DGKZ: variants seen among roughly 807,000 people sequenced by gnomAD.
The protein encoded by DGKZ is DAG kinase zeta.
A neutral mutation model predicts 142.5 loss-of-function variants in DGKZ; 45 were observed. That is an observed-to-expected ratio of 0.32 (90% CI 0.25 to 0.40). DGKZ has a LOEUF of 0.40. Among genes scored for constraint, DGKZ ranks in the 10% least tolerant of loss-of-function variants. The probability of loss-of-function intolerance (pLI) is 1.00; values close to 1 mark genes in which losing one functional copy is unlikely to be tolerated. For missense variants in DGKZ, 755 were observed against 1,306.5 expected, an observed-to-expected ratio of 0.58 and a Z score of 6.51; for synonymous variants, 442 against 527.0, an observed-to-expected ratio of 0.84 and a Z score of 2.21.
At chr11:46,351,317 C>A (rs978310997) in intron 1 of DGKZ, among the ~76,000 whole-genome samples, 1 of 152,224 alleles carries the variant, frequency 6.6e-6, no homozygotes, top group Non-Finnish European at 1.5e-5. Flanking sequence ...GCCTGAGCGT[C>A]TGTGCCGCCA....
rs573103073 is a variant in DGKZ at position 46,377,056 on chromosome 11, C to A, written c.2203-17C>A. The A allele has an allele frequency of 1.2e-6, 2 of 1,611,790 alleles. No individual in the cohort carries two copies. The highest frequency in any genetic ancestry group is 1.7e-6 in the Non-Finnish European group (2 of 1,179,452). ...CCGTCAGGTGCCCTGACCTCCCGCC[C>A]TGACCTCCCCCCACAGGAGCACCTC... On this transcript the variant is annotated splice_polypyrimidine_tract_variant and intron_variant, in intron 24 of 30. Transcript: ENST00000527911.
chr11:46,337,563 T>C (rs1940075542), intron 1 of DGKZ, among the ~76,000 whole-genome samples: 1 of 152,046 alleles, frequency 6.6e-6, no homozygotes, highest in African/African-American at 2.4e-5. Context: ...CCCAAAGTTC[T>C]GGGATTACAG....
At chr11:46,345,198 C>A, upstream of DGKZ, 2 of 1,233,700 alleles carry the variant, frequency 1.6e-6, no homozygotes, top group Non-Finnish European at 2.1e-6. This position sits in a 1 kb window ranked among gnomAD's most constrained non-coding sequence, Gnocchi z 4.1. Flanking sequence ...AGCCCCATGG[C>A]TGCCTCCTGG....
At chr11:46,338,548 A>G in intron 1 of DGKZ, 1 of 151,328 alleles carries the variant, frequency 6.6e-6, no homozygotes, top group Admixed American at 6.6e-5. Flanking sequence ...TGGGCCCTAC[A>G]AAAACAAGCA....
chr11:46,379,470 G>A (rs1364242383), exon 30 of DGKZ: 5 of 1,609,144 alleles, frequency 3.1e-6, no homozygotes, highest in East Asian at 4.5e-5. Context: ...CTCCCCCAGC[G>A]GGGAGACCTG....
In DGKZ at chr11:46,372,827, T is replaced by G. The variant is rs1049214503; in HGVS notation, c.1128T>G (p.Val376=). The G allele has an allele frequency of 1.2e-6, 2 of 1,602,124 alleles. No homozygotes were observed. The highest frequency in any genetic ancestry group is 1.7e-6 in the Non-Finnish European group (2 of 1,174,498). ...TACGCCTGAAGCCGCCACCCCCTGT[T>G]GCCATCCTGCCCCTGGGTACTGGCA... Residue 376 remains valine (V), a synonymous_variant, in exon 13 of 31, where the codon GTT becomes GTG. Transcript: ENST00000527911. The surrounding 1 kb of genome is among the most constrained non-coding windows in gnomAD (Gnocchi z 5.9).
intron 14 of DGKZ, 112 bp from the exon 15 acceptor site, chr11:46,374,045 C>T: frequency 2.5e-6 from 3 of 1,191,800 alleles, no homozygotes; most frequent in Non-Finnish European, 2.4e-6. Flanking sequence ...ACGCTGCTGA[C>T]CAGGAAAAGC....
chr11:46,378,156 C>A (rs1213961895), intron 25 of DGKZ, 42 bp from the exon 26 acceptor site: 5 of 1,594,702 alleles, frequency 3.1e-6, no homozygotes, highest in Non-Finnish European at 4.3e-6. Context: ...GACCAGCTGG[C>A]CTGTGCCGTA....
chr11:46,374,855 C>T lies in DGKZ; in HGVS notation c.1598+16C>T. On this transcript the variant is annotated intron_variant, in intron 18 of 30. Transcript: ENST00000527911. ...ACATCCCCAGGTGAGGAGGGGGCTA[C>T]CGGAGCTGGGGGGAGCCCTGCTGTC... The T allele has an allele frequency of 1.3e-6, 2 of 1,585,740 alleles. No homozygotes were observed. Among genetic ancestry groups the T allele is most frequent in the Non-Finnish European group, 1.7e-6 (2 of 1,162,416 alleles).
At chr11:46,342,759 C>A (rs1378390792), upstream of DGKZ, among the ~76,000 whole-genome samples, 1 of 152,198 alleles carries the variant, frequency 6.6e-6, no homozygotes, top group Non-Finnish European at 1.5e-5. Flanking sequence ...TCACTTCTAC[C>A]ACTTACCAGC....
intron 14 of DGKZ, 48 bp from the exon 15 acceptor site, chr11:46,374,086 CACACGAGGCCCCTGGAGCGGGGA>C (rs1944278797): frequency 2.6e-6 from 4 of 1,557,396 alleles, no homozygotes; most frequent in Non-Finnish European, 3.5e-6. Flanking sequence ...CTGGCTCGGC[CACACGAGGCCCCTGGAGCGGGGA>C]CATTTGTGAG....
Position 46,379,466 on chromosome 11 carries a change from C to T in DGKZ, c.2586C>T (p.Pro862=). ...GGTACACAGCCAGCCCCTGCTCCCCCAGCGGGGAGACCTGTTTGCACCAAG... is the reference window on the plus strand; with the variant it reads ...GGTACACAGCCAGCCCCTGCTCCCCTAGCGGGGAGACCTGTTTGCACCAAG... Residue 862 remains proline, a synonymous_variant, in exon 30 of 31, where the codon CCC becomes CCT. Coordinates refer to ENST00000527911, the Ensembl canonical transcript of DGKZ. 1 of 1,608,210 alleles carries T rather than the reference C, an allele frequency of 6.2e-7. No homozygotes were observed. Among genetic ancestry groups the T allele is most frequent in the African/African-American group, 1.3e-5 (1 of 74,962 alleles).
Position 46,372,768 on chromosome 11 carries a change from C to A in DGKZ, c.1072-3C>A, listed in dbSNP as rs774070488. On this transcript the variant is annotated splice_polypyrimidine_tract_variant and splice_region_variant and intron_variant, in intron 12 of 30. Transcript: ENST00000527911. This position sits in a 1 kb window ranked among gnomAD's most constrained non-coding sequence, Gnocchi z 5.9. ...TGATTTGCCTCTGTTCTTCCTCCCC[C>A]AGGTGGGCTGGATCCTCTCCACCCT... 6.2e-6 allele frequency: 10 copies of A among 1,607,250 alleles called. No homozygotes were observed. The East Asian group carries it at 6.7e-5, about 11-fold the overall frequency.
intron 27 of DGKZ, 56 bp from the exon 28 acceptor site, chr11:46,378,935 C>T: frequency 6.7e-7 from 1 of 1,501,228 alleles, no homozygotes; most frequent in South Asian, 1.3e-5. Context: ...CGTGTGAGCT[C>T]AGGGAAGGAG....
rs1404084871 is a variant in DGKZ, at chr11:46,377,989, A to G, written c.2343-209A>G. ...CTCCTTATTTATTTGACTTGTTTGT[A>G]TCCCTGAACTAGAATGTAAGCTCCA... On this transcript the variant is annotated intron_variant, in intron 25 of 30. Transcript: ENST00000527911. The G allele has an allele frequency of 8.0e-6, 5 of 627,502 alleles. No homozygotes were observed. The Admixed American group carries it at 8.1e-5, about 10-fold the overall frequency. The allele number at this position is 627,502 out of a possible 1,614,324, so 38.9% of individuals were successfully genotyped here. A position where few individuals can be genotyped will look rare whatever the true frequency, so the allele number is the denominator to read the frequency against.
exon 1 of DGKZ, chr11:46,333,245 G>A: frequency 1.6e-6 from 2 of 1,245,210 alleles, no homozygotes; most frequent in Non-Finnish European, 2.0e-6. Flanking sequence ...CCGAAAGGCC[G>A]CAGGAGCCGC....
upstream of DGKZ, among the ~76,000 whole-genome samples, chr11:46,346,999 G>C (rs1190465246): frequency 6.6e-6 from 1 of 152,214 alleles, no homozygotes; most frequent in East Asian, 1.9e-4. Flanking sequence ...TGTTTGTTCT[G>C]CGTGCATGGG....
chr11:46,338,294 G>A (rs545253134), intron 1 of DGKZ, among the ~76,000 whole-genome samples: 66 of 151,978 alleles, frequency 4.3e-4, no homozygotes, highest in African/African-American at 1.5e-3. Context: ...TCAGGAGTTC[G>A]AGGCCAGCCT....
rs764162645 is a variant in DGKZ, at chr11:46,379,199, C to T, written c.2540-4C>T. 2.5e-6 allele frequency: 4 copies of T among 1,612,938 alleles called. No homozygotes were observed. The highest frequency in any genetic ancestry group is 1.7e-5 in the Admixed American group (1 of 59,996). ...CTCTCTGACCACCACCTCCCCTTCT[C>T]CAGCCCCCCCAGAGATCCTTGATGC... is the stretch of plus-strand genomic sequence containing the variant. On this transcript the variant is annotated splice_polypyrimidine_tract_variant and splice_region_variant and intron_variant, in intron 28 of 30. Coordinates refer to ENST00000527911, the Ensembl canonical transcript of DGKZ.
Sources: allele counts gnomAD v4.1 joint callset (sites outside exome capture counted in the v4.1 genomes callset), GRCh38; gene constraint gnomAD v4.1.1; non-coding constraint Gnocchi (gnomAD v3.1); transcripts MANE v1.5; gene names NCBI Gene and HGNC (gene_info 2026-07-23, HGNC 2026-07-21).